The following CSMD3 variants were observed in gnomAD, a reference collection of about 807,000 sequenced individuals.
CSMD3 encodes the protein CUB and sushi domain-containing protein 3.
In CSMD3, 177 loss-of-function variants were observed where a neutral mutation model predicts 435.2. That is an observed-to-expected ratio of 0.41 (90% CI 0.36 to 0.46). CSMD3 has a LOEUF of 0.46. CSMD3 is among the 20% of genes least tolerant of loss of function. CSMD3 has a pLI of 0.34. For synonymous variants in CSMD3, 1,656 were observed against 1,520.5 expected (o/e 1.09, Z -2.07); for missense variants, 4,265 against 4,504.6 (o/e 0.95, Z 1.52).
chr8:112,804,295 G>A (rs1182008572), intron 12 of CSMD3, among the ~76,000 whole-genome samples: 1 of 151,414 alleles, frequency 6.6e-6, no homozygotes, highest in Non-Finnish European at 1.5e-5. Flanking sequence ...CTTAGTTTTG[G>A]GACAATCTAG....
At chr8:113,432,942 G>T (rs746056719) in intron 1 of CSMD3, among the ~76,000 whole-genome samples, 10 of 152,090 alleles carry the variant, frequency 6.6e-5, no homozygotes, top group Non-Finnish European at 1.5e-4. Context: ...CAGCACACAC[G>T]CACACACGCA....
At chr8:113,264,189 T>C (rs1050645284) in intron 3 of CSMD3, among the ~76,000 whole-genome samples, 1 of 151,516 alleles carries the variant, frequency 6.6e-6, no homozygotes, top group Non-Finnish European at 1.5e-5. Flanking sequence ...TATTAATTTC[T>C]AAAGCAAGCT....
At chr8:112,603,157 C>T (rs1586785070) in intron 22 of CSMD3, among the ~76,000 whole-genome samples, 3 of 152,170 alleles carry the variant, frequency 2.0e-5, no homozygotes, top group Non-Finnish European at 4.4e-5. Context: ...GGATTGCAGG[C>T]GTAAGCCACT....
At position 112,418,203 on chromosome 8, in the gene CSMD3, C is replaced by A. The variant is rs184488194; in HGVS notation, c.5396-9171G>T. ...TCATAAAAAATTACTGTTGGTAACA[C>A]AAGCTCTTATAATGTTTGGCTACTT... On this transcript the variant is annotated intron_variant, in intron 32 of 70. Coordinates refer to ENST00000297405, the MANE Select transcript of CSMD3 (RefSeq NM_198123.2). Among the ~76,000 whole-genome samples, 5 of 152,240 alleles carry A rather than the reference C, an allele frequency of 3.3e-5. No homozygotes were observed. The East Asian group carries it at 9.7e-4, about 29-fold the overall frequency.
At chr8:112,941,077 A>G (rs1175052359) in intron 9 of CSMD3, among the ~76,000 whole-genome samples, 1 of 151,818 alleles carries the variant, frequency 6.6e-6, no homozygotes, top group Non-Finnish European at 1.5e-5. Flanking sequence ...CTAAGAAGTT[A>G]AGAACCAGAG....
intron 50 of CSMD3, among the ~76,000 whole-genome samples, chr8:112,308,853 G>A (rs1449721170): frequency 6.6e-6 from 1 of 151,804 alleles, no homozygotes; most frequent in Non-Finnish European, 1.5e-5. Flanking sequence ...AGACCTAAGA[G>A]GTAAGAGAAA....
intron 6 of CSMD3, among the ~76,000 whole-genome samples, chr8:112,986,473 T>C (rs2085258038): frequency 6.6e-6 from 1 of 152,130 alleles, no homozygotes; most frequent in African/African-American, 2.4e-5. Flanking sequence ...GAAAGCATCA[T>C]TTTATTAAAT....
intron 1 of CSMD3, among the ~76,000 whole-genome samples, chr8:113,326,656 C>A (rs746888657): frequency 6.6e-6 from 1 of 152,196 alleles, no homozygotes; most frequent in South Asian, 2.1e-4. Flanking sequence ...TCATTTGGAT[C>A]TCTGAATTAT....
chr8:112,315,018 T>G (rs16883401), intron 47 of CSMD3, among the ~76,000 whole-genome samples: 30,656 of 151,794 alleles, frequency 0.2, 3,701 homozygotes, highest in East Asian at 0.39. Flanking sequence ...TCTTCTCTCT[T>G]AAACCTTCTA....
At position 113,084,360 on chromosome 8, in the gene CSMD3, C is replaced by CA. The variant is rs560504902; in HGVS notation, c.917+14395dup. Among the ~76,000 whole-genome samples the CA allele has an allele frequency of 9.7e-4, 146 of 151,160 alleles. 1 individual carries two copies. The highest frequency in any genetic ancestry group is 6.1e-3 in the South Asian group (29 of 4,790). On this transcript the variant is annotated intron_variant, in intron 5 of 70. Transcript: ENST00000297405. ...AAAGAAATCCCATTTGTAATAGGCG[C>CA]AAAAAAATAAAATAATTAGGAAGAA...
At chr8:113,390,493 C>A (rs1238112267) in intron 1 of CSMD3, among the ~76,000 whole-genome samples, 1 of 151,784 alleles carries the variant, frequency 6.6e-6, no homozygotes, top group Non-Finnish European at 1.5e-5. Flanking sequence ...TTACAGAGTA[C>A]ATCACATTTT....
chr8:112,571,191 G>A (rs1366128029), intron 24 of CSMD3, among the ~76,000 whole-genome samples: 1 of 151,828 alleles, frequency 6.6e-6, no homozygotes, highest in African/African-American at 2.4e-5. Context: ...ATTTTTAGTA[G>A]AGACGGGGTT....
chr8:112,293,542 T>C (rs1389749470), intron 54 of CSMD3, among the ~76,000 whole-genome samples: 2 of 152,164 alleles, frequency 1.3e-5, no homozygotes, highest in Admixed American at 6.6e-5. Flanking sequence ...TATTCATTAA[T>C]ATTTTGAGAT....
intron 10 of CSMD3, among the ~76,000 whole-genome samples, chr8:112,862,957 C>T (rs2080866873): frequency 6.6e-6 from 1 of 151,992 alleles, no homozygotes; most frequent in Non-Finnish European, 1.5e-5. Flanking sequence ...GTTTTAATTT[C>T]CAATTCTTTC....
intron 16 of CSMD3, among the ~76,000 whole-genome samples, chr8:112,679,638 C>T (rs1301219925): frequency 6.6e-6 from 1 of 152,122 alleles, no homozygotes; most frequent in East Asian, 1.9e-4. Context: ...TGAAATTGCT[C>T]TACATAAGTA....
chr8:112,877,969 A>T (rs2081336590), intron 10 of CSMD3, among the ~76,000 whole-genome samples: 1 of 152,208 alleles, frequency 6.6e-6, no homozygotes, highest in Non-Finnish European at 1.5e-5. Context: ...AAAACCCTAG[A>T]TGAAAACCTA....
chr8:112,477,400 T>C (rs1819163037), intron 31 of CSMD3, among the ~76,000 whole-genome samples: 1 of 152,200 alleles, frequency 6.6e-6, no homozygotes, highest in South Asian at 2.1e-4. Context: ...AAGCCCATAG[T>C]AGCAAATCCA....
Position 112,341,482 on chromosome 8 carries a change from T to C in CSMD3, c.6647A>G (p.Tyr2216Cys). ...SQNKQGFHIV[Y>C]QAYQLQSCPD... The stretch of plus-strand genomic sequence containing the variant: ...TTTTTTATTATTTCTCTTACCTTGG[T>C]ATACAATATGAAACCCTTGTTTGTT... Residue 2216 changes from tyrosine to cysteine, a missense_variant, in exon 42 of 71, where the codon TAC becomes TGC. Tyr to Cys is a radical substitution (Grantham distance 194). This residue lies in a region of CSMD3 where 3,255 missense variants were observed against 3,380.2 expected (regional missense o/e 0.96). Transcript: ENST00000297405. The C allele has an allele frequency of 1.3e-6, 2 of 1,589,982 alleles. No individual in the cohort carries two copies. Among genetic ancestry groups the C allele is most frequent in the Non-Finnish European group, 1.7e-6 (2 of 1,158,200 alleles).
intron 42 of CSMD3, among the ~76,000 whole-genome samples, chr8:112,338,300 T>C (rs1040812410): frequency 2.0e-5 from 3 of 152,220 alleles, no homozygotes; most frequent in African/African-American, 7.2e-5. Context: ...ATTTGGGCAA[T>C]GCAGTATAAT....
Sources: allele counts gnomAD v4.1 joint callset (sites outside exome capture counted in the v4.1 genomes callset), GRCh38; gene constraint gnomAD v4.1.1; regional missense constraint gnomAD v4.1.1; transcripts MANE v1.5; gene names NCBI Gene and HGNC (gene_info 2026-07-23, HGNC 2026-07-21).